Variants in FASN observed in about 807,000 individuals in gnomAD.
FASN encodes the protein 3-hydroxyacyl-[acyl-carrier-protein] dehydratase.
FASN carries 50 observed loss-of-function variants against 250.0 expected under a neutral mutation model. The observed-to-expected ratio is 0.20, with a 90% CI of 0.16 to 0.25. The LOEUF (loss-of-function observed/expected upper bound fraction) is 0.25, where lower values mean the gene tolerates loss of function less well. Ranked by LOEUF, FASN falls within the 10% of genes least tolerant of loss-of-function variation. The pLI, the probability that FASN is intolerant of heterozygous loss-of-function variation, is 1.00. For synonymous variants in FASN, 1,909 were observed against 1,584.0 expected (o/e 1.21, Z -4.87); for missense variants, 3,031 against 3,498.5 (o/e 0.87, Z 3.37).
Position 82,082,834 on chromosome 17 carries a change from T to C in FASN, c.5767+80A>G, listed in dbSNP as rs969007936. 11 of 1,574,716 alleles carry C rather than the reference T, an allele frequency of 7.0e-6. No homozygotes were observed. The East Asian group carries it at 2.5e-4, about 36-fold the overall frequency. On this transcript the variant is annotated intron_variant, in intron 33 of 42. Coordinates refer to ENST00000306749, the MANE Select transcript of FASN (RefSeq NM_004104.5). ...CCCCAGGCACCGTGACAGCCCACAA[T>C]GGTGGGCTGCAGAGAAGGGCTCAGG...
intron 2 of FASN, 145 bp downstream of exon 2, chr17:82,096,174 G>T (rs2034299143): frequency 7.5e-7 from 1 of 1,325,708 alleles, no homozygotes; most frequent in Non-Finnish European, 1.1e-6. Flanking sequence ...CCTCGCCCAT[G>T]GGTGACCAGT....
At position 82,087,732 on chromosome 17, in the gene FASN, T is replaced by C; in HGVS notation, c.2996A>G (p.Tyr999Cys). 6.2e-7 allele frequency: 1 copy of C among 1,612,344 alleles called. No individual in the cohort carries two copies. The highest frequency in any genetic ancestry group is 8.5e-7 in the Non-Finnish European group (1 of 1,179,986). Residue 999 changes from tyrosine (Y) to cysteine (C), a missense_variant, in exon 19 of 43, where the codon TAC becomes TGC. By Grantham distance (194) the Tyr-to-Cys change is radical. Coordinates refer to ENST00000306749, the MANE Select transcript of FASN (RefSeq NM_004104.5). ...EVYKELRLRGYDYGPHFQGIL... is the reference protein window; with the variant it reads ...EVYKELRLRGCDYGPHFQGIL... Reference sequence around the variant, plus strand: ...GCCCTGGAAATGAGGGCCGTAGTCGTAGCCACGCAGACGCAGCTCCTTGTA... The same window carrying C: ...GCCCTGGAAATGAGGGCCGTAGTCGCAGCCACGCAGACGCAGCTCCTTGTA...
chr17:82,083,870 T>C lies in FASN; in HGVS notation c.5120A>G (p.Tyr1707Cys), dbSNP rs762078680. Residue 1707 changes from tyrosine to cysteine, a missense_variant, in exon 30 of 43, where the codon TAC becomes TGC. Transcript: ENST00000306749. ...GAGCTGGGGGAACCTGGCCTGGAGGTACGCCCGCTTCTCAGCCGACCCTGG... is the reference window on the plus strand; with the variant it reads ...GAGCTGGGGGAACCTGGCCTGGAGGCACGCCCGCTTCTCAGCCGACCCTGG... ...TTVGSAEKRAYLQARFPQLDS... is the reference protein window; with the variant it reads ...TTVGSAEKRACLQARFPQLDS... The C allele has an allele frequency of 6.3e-7, 1 of 1,576,710 alleles. No homozygotes were observed. The highest frequency in any genetic ancestry group is 1.2e-5 in the South Asian group (1 of 86,212).
intron 10 of FASN, 63 bp downstream of exon 10, chr17:82,090,819 G>T: frequency 6.5e-7 from 1 of 1,530,524 alleles, no homozygotes; most frequent in Non-Finnish European, 8.8e-7. Flanking sequence ...CAGCTCCTGG[G>T]CTCCAGGGAA....
chr17:82,092,881 C>G lies in FASN; in HGVS notation c.778+16G>C, dbSNP rs1021849444. 1.3e-6 allele frequency: 2 copies of G among 1,595,616 alleles called. No homozygotes were observed. Among genetic ancestry groups the G allele is most frequent in the Middle Eastern group, 1.7e-4 (1 of 5,976 alleles). On this transcript the variant is annotated intron_variant, in intron 6 of 42. Coordinates refer to ENST00000306749, the MANE Select transcript of FASN (RefSeq NM_004104.5). ...CCACCTGCCCCCCAGCACCCCGGAA[C>G]CCCGGCAGAGCCCACCTTGCTCCTT... is the stretch of plus-strand genomic sequence containing the variant.
chr17:82,079,527 C>T lies in FASN; in HGVS notation c.7228G>A (p.Gly2410Ser). Residue 2410 changes from glycine (G) to serine (S), a missense_variant, in exon 42 of 43, where the codon GGC (glycine) becomes AGC (serine). By Grantham distance (56) the Gly-to-Ser change is moderately conservative. Coordinates refer to ENST00000306749, the MANE Select transcript of FASN (RefSeq NM_004104.5). ...AVDLIIKSHQ[G>S]LDRQELSFAA... ...AAGCTCAGCTCCTGGCGGTCCAGGCCCTGGTGGCTCTTGATGATCAGGTCC... is the reference window on the plus strand; with the variant it reads ...AAGCTCAGCTCCTGGCGGTCCAGGCTCTGGTGGCTCTTGATGATCAGGTCC... 6.2e-7 allele frequency: 1 copy of T among 1,611,120 alleles called. No individual in the cohort carries two copies. The highest frequency in any genetic ancestry group is 8.5e-7 in the Non-Finnish European group (1 of 1,179,972).
Position 82,081,622 on chromosome 17 carries a change from C to G in FASN, c.6385G>C (p.Glu2129Gln). Reference protein sequence around the residue: ...RDRDSQRDLVEAVAHILGIRD... With the variant: ...RDRDSQRDLVQAVAHILGIRD... ...TCACCCAGGATGTGTGCCACGGCCT[C>G]CACCAGGTCCCGCTGGCTGTCCCTG... is the stretch of plus-strand genomic sequence containing the variant. The change falls in exon 37 of 43, where the codon GAG (glutamate) becomes CAG (glutamine). Residue 2129 changes from glutamate (E) to glutamine (Q), a missense_variant. By Grantham distance (29) the Glu-to-Gln change is conservative. Coordinates refer to ENST00000306749, the MANE Select transcript of FASN (RefSeq NM_004104.5). 6.2e-7 allele frequency: 1 copy of G among 1,612,670 alleles called. No homozygotes were observed. The highest frequency in any genetic ancestry group is 8.5e-7 in the Non-Finnish European group (1 of 1,179,992).
chr17:82,080,978 C>T lies in FASN; in HGVS notation c.6596-56G>A, dbSNP rs943389213. 2.4e-5 allele frequency: 36 copies of T among 1,495,244 alleles called. No homozygotes were observed. In the African/African-American group the frequency reaches 2.5e-4, roughly 10 times the overall value. The allele number at this position is 1,495,244 out of a possible 1,614,324, so 92.6% of individuals were successfully genotyped here. A position where few individuals can be genotyped will look rare whatever the true frequency, so the allele number is the denominator to read the frequency against. ...TCTGGGTGCAGAGCCCTGGCACCCA[C>T]GCAAGGACACACAGACACGCACGCA... On this transcript the variant is annotated intron_variant, in intron 38 of 42. Coordinates refer to ENST00000306749, the MANE Select transcript of FASN (RefSeq NM_004104.5).
At chr17:82,098,062 A>C in intron 1 of FASN, 59 bp downstream of exon 1, 2 of 312,284 alleles carry the variant, frequency 6.4e-6, no homozygotes, top group Non-Finnish European at 5.9e-6. Context: ...CACCCCGGGA[A>C]CCCCGGGCCC....
chr17:82,090,837 G>A, intron 10 of FASN, 45 bp downstream of exon 10: 2 of 1,548,370 alleles, frequency 1.3e-6, no homozygotes, highest in Non-Finnish European at 8.7e-7. Flanking sequence ...GAAAGCCAGA[G>A]CCCTGGGGCT....
Position 82,091,523 on chromosome 17 carries a change from G to A in FASN, c.1191C>T (p.Gly397=). The part of the protein sequence containing the change: ...NVGINSFGFG[G]SNVHIILRPN... Reference sequence around the variant, plus strand: ...GCCTCAGGATGATGTGCACGTTGGAGCCCCCGAAGCCAAAGGAGTTGATGC... The same window carrying A: ...GCCTCAGGATGATGTGCACGTTGGAACCCCCGAAGCCAAAGGAGTTGATGC... Residue 397 remains glycine (G), a synonymous_variant, in exon 9 of 43, where the codon GGC becomes GGT. Coordinates refer to ENST00000306749, the MANE Select transcript of FASN (RefSeq NM_004104.5). 6.2e-7 allele frequency: 1 copy of A among 1,602,514 alleles called. No homozygotes were observed. The highest frequency in any genetic ancestry group is 1.1e-5 in the South Asian group (1 of 89,652).
rs763579516 is a variant in FASN, at chr17:82,083,978, C to G, written c.5095G>C (p.Val1699Leu). The change falls in exon 29 of 43, where the codon GTG (valine) becomes CTG (leucine). Residue 1699 changes from valine to leucine, a missense_variant. Transcript: ENST00000306749. ...LSLGCRVFTT[V>L]GSAEKRAYLQ... ...GGCACCGGGGGCGGGGCCTTACCCA[C>G]GGTGGTGAAGACGCGGCAGCCCAGA... is the stretch of plus-strand genomic sequence containing the variant. 205 of 1,540,640 alleles carry G rather than the reference C, an allele frequency of 1.3e-4. No homozygotes were observed. Among genetic ancestry groups the G allele is most frequent in the Non-Finnish European group, 1.7e-4 (198 of 1,145,836 alleles).
intron 28 of FASN, 28 bp downstream of exon 28, chr17:82,084,206 C>A: frequency 6.2e-7 from 1 of 1,610,278 alleles, no homozygotes; most frequent in Non-Finnish European, 8.5e-7. Flanking sequence ...CCACGTGGGG[C>A]CCAGGCTCAC....
chr17:82,087,725 G>A lies in FASN; in HGVS notation c.3003C>T (p.Tyr1001=), dbSNP rs770523310. 5.6e-5 allele frequency: 90 copies of A among 1,612,162 alleles called. No individual in the cohort carries two copies. The highest frequency in any genetic ancestry group is 3.3e-4 in the Middle Eastern group (2 of 6,010). The change falls in exon 19 of 43, where the codon TAC becomes TAT. Residue 1001 remains tyrosine (Y), a synonymous_variant. Coordinates refer to ENST00000306749, the MANE Select transcript of FASN (RefSeq NM_004104.5). ...CCAGGATGCCCTGGAAATGAGGGCC[G>A]TAGTCGTAGCCACGCAGACGCAGCT... The part of the protein sequence containing the change: ...YKELRLRGYD[Y]GPHFQGILEA...
intron 2 of FASN, among the ~76,000 whole-genome samples, chr17:82,095,895 A>G (rs1297755333): frequency 1.3e-5 from 2 of 152,004 alleles, no homozygotes; most frequent in African/African-American, 4.8e-5. Context: ...CTCCCAGCTC[A>G]GGACAGACAC....
intron 24 of FASN, 35 bp downstream of exon 24, chr17:82,085,203 G>A: frequency 6.2e-7 from 1 of 1,612,298 alleles, no homozygotes; most frequent in Non-Finnish European, 8.5e-7. Flanking sequence ...AAGTTGGGAG[G>A]TGGGGTGGGG....
chr17:82,091,778 C>T, intron 8 of FASN, 94 bp from the exon 9 acceptor site: 1 of 1,133,214 alleles, frequency 8.8e-7, no homozygotes, highest in South Asian at 1.5e-5. Context: ...TCATGTGGGG[C>T]CAGGGTTCCA....
At chr17:82,090,592 GCAACCTC>G in intron 10 of FASN, 28 bp from the exon 11 acceptor site, 2 of 1,593,738 alleles carry the variant, frequency 1.3e-6, no homozygotes, top group South Asian at 2.2e-5. Flanking sequence ...CACTCAGGTT[GCAACCTC>G]CAGCAGGTGC....
chr17:82,081,143 C>A (rs45490894), intron 38 of FASN, 21 bp downstream of exon 38: 1 of 1,562,908 alleles, frequency 6.4e-7, no homozygotes, highest in East Asian at 2.3e-5. Context: ...ACCCCACTCC[C>A]GCCTGGCCAC....
Sources: allele counts gnomAD v4.1 joint callset (sites outside exome capture counted in the v4.1 genomes callset), GRCh38; gene constraint gnomAD v4.1.1; transcripts MANE v1.5; gene names NCBI Gene and HGNC (gene_info 2026-07-23, HGNC 2026-07-21).